Variants in PCDHGA8 observed in about 807,000 individuals in gnomAD.
PCDHGA8 encodes protocadherin gamma subfamily A, 8, also known as protocadherin gamma-A8.
A neutral mutation model predicts 59.2 loss-of-function variants in PCDHGA8; 45 were observed. The ratio of observed to expected loss-of-function variants is 0.76; its 90% CI spans 0.60 to 0.98. The LOEUF is 0.98. PCDHGA8 is among the 50% of genes least tolerant of loss of function. The pLI, the probability that PCDHGA8 is intolerant of heterozygous loss-of-function variation, is 0.00. For missense variants in PCDHGA8, 1,257 were observed against 1,196.2 expected (o/e 1.05, Z -0.75); for synonymous variants, 531 against 519.0 (o/e 1.02, Z -0.32).
intron 1 of PCDHGA8, chr5:141,399,976 CTGCGCACAGGAGAGG>C: frequency 1.2e-6 from 2 of 1,612,242 alleles, no homozygotes; most frequent in Non-Finnish European, 8.5e-7. Context: ...CAGCCTGGGG[CTGCGCACAGGAGAGG>C]TGCGCACAGC....
chr5:141,397,816 A>G (rs1403683863), intron 1 of PCDHGA8, among the ~76,000 whole-genome samples: 2 of 152,230 alleles, frequency 1.3e-5, no homozygotes, highest in African/African-American at 4.8e-5. Context: ...CACAAAAACA[A>G]TTACTGCACT....
intron 2 of PCDHGA8, among the ~76,000 whole-genome samples, chr5:141,504,651 G>A (rs905210723): frequency 8.4e-6 from 1 of 119,750 alleles, no homozygotes; most frequent in Non-Finnish European, 1.6e-5. Flanking sequence ...ATGATAGAGT[G>A]TTTGAGGGCG....
At chr5:141,413,877 G>GAC (rs751994783) in intron 1 of PCDHGA8, 1 of 1,613,386 alleles carries the variant, frequency 6.2e-7, no homozygotes. Flanking sequence ...TTGTCAGTGT[G>GAC]ACTGTCTTCG....
chr5:141,403,207 CACCGCGGGTAGGATAG>C, intron 1 of PCDHGA8: 1 of 1,613,966 alleles, frequency 6.2e-7, no homozygotes, highest in South Asian at 1.1e-5. Context: ...GCACCTTGGT[CACCGCGGGTAGGATAG>C]ACCGGGAGGA....
chr5:141,430,926 C>A (rs145535410), intron 1 of PCDHGA8: 4 of 1,607,308 alleles, frequency 2.5e-6, no homozygotes, highest in African/African-American at 1.3e-5. Context: ...GGGCTGGAGC[C>A]CCGGGAGCTC....
intron 1 of PCDHGA8, chr5:141,405,363 C>G (rs765508317): frequency 5.0e-6 from 8 of 1,613,808 alleles, no homozygotes; most frequent in Non-Finnish European, 6.8e-6. Context: ...ATAGAAGACA[C>G]CCCTTTGGTT....
chr5:141,400,150 C>T (rs1375670164), intron 1 of PCDHGA8: 3 of 1,613,952 alleles, frequency 1.9e-6, no homozygotes, highest in Non-Finnish European at 2.5e-6. Flanking sequence ...CACTGACCGC[C>T]CTGTACCCTC....
rs2154573815 is a variant in PCDHGA8 at position 141,475,798 on chromosome 5, CAAAGG to C, written c.2425-19004_2425-19000del. ...TTGGCTGGAAACTCTGGAAGGAAGC[CAAAGG>C]AAAGTGAAGTTCCTGGCGCTAGCGC... On this transcript the variant is annotated intron_variant, in intron 1 of 3. Coordinates refer to ENST00000398604, the MANE Select transcript of PCDHGA8 (RefSeq NM_032088.2). The C allele has an allele frequency of 9.7e-6, 3 of 309,052 alleles. No homozygotes were observed. The South Asian group carries it at 2.0e-4, about 21-fold the overall frequency. 19.1% of individuals were successfully genotyped at this position (309,052 alleles called of 1,614,324 possible).
Position 141,491,205 on chromosome 5 carries a change from A to G in PCDHGA8, c.2425-3602A>G, listed in dbSNP as rs2233609. 2,395 of 1,613,578 alleles carry G rather than the reference A, an allele frequency of 1.5e-3. 36 individuals are homozygous for G. The African/African-American group carries it at 0.028, about 19-fold the overall frequency. On this transcript the variant is annotated intron_variant, in intron 1 of 3. Coordinates refer to ENST00000398604, the MANE Select transcript of PCDHGA8 (RefSeq NM_032088.2). This position sits in a 1 kb window ranked among gnomAD's most constrained non-coding sequence, Gnocchi z 6.9. The stretch of plus-strand genomic sequence containing the variant: ...TGGTGAGGGACAATGGTGACCCTTC[A>G]CTCTCCTCCACAGCCACAGTGCTGC...
intron 1 of PCDHGA8, chr5:141,399,518 G>C (rs2093824828): frequency 6.2e-7 from 1 of 1,613,994 alleles, no homozygotes. Flanking sequence ...AACCCTCCTG[G>C]GGCCTCCATC....
intron 1 of PCDHGA8, chr5:141,478,602 T>C (rs2099466537): frequency 6.4e-7 from 1 of 1,563,560 alleles, no homozygotes; most frequent in Admixed American, 1.9e-5. Context: ...TCCTACATCA[T>C]ATTGAGGAAG....
At chr5:141,439,432 A>C (rs537630916) in intron 1 of PCDHGA8, among the ~76,000 whole-genome samples, 1 of 152,326 alleles carries the variant, frequency 6.6e-6, no homozygotes, top group African/African-American at 2.4e-5. Flanking sequence ...AATTCCCAGG[A>C]ATATTTTATT....
At chr5:141,414,117 A>T (rs764001135) in intron 1 of PCDHGA8, 2 of 1,592,602 alleles carry the variant, frequency 1.3e-6, no homozygotes, top group Non-Finnish European at 1.7e-6. Flanking sequence ...TAGATTATGA[A>T]GAAACCGGTT....
At chr5:141,444,865 G>A (rs1038923777) in intron 1 of PCDHGA8, among the ~76,000 whole-genome samples, 1 of 152,098 alleles carries the variant, frequency 6.6e-6, no homozygotes, top group Non-Finnish European at 1.5e-5. Flanking sequence ...TCTTACTACA[G>A]GACAAAGCTT....
chr5:141,409,412 C>A, intron 1 of PCDHGA8: 1 of 1,614,032 alleles, frequency 6.2e-7, no homozygotes, highest in Non-Finnish European at 8.5e-7. Flanking sequence ...CTACTACAAA[C>A]TGGTGACAGA....
intron 1 of PCDHGA8, chr5:141,412,235 A>T (rs2095544372): frequency 6.6e-6 from 1 of 152,260 alleles, no homozygotes. Flanking sequence ...AAAAACCTAT[A>T]TCACTACATC....
At chr5:141,409,524 A>AT (rs1357085904) in intron 1 of PCDHGA8, 9 of 1,613,854 alleles carry the variant, frequency 5.6e-6, no homozygotes, top group Non-Finnish European at 6.8e-6. Context: ...ATCACCTTGT[A>AT]TGTCGCTGAC....
chr5:141,434,506 T>C (rs2154556236), intron 1 of PCDHGA8, among the ~76,000 whole-genome samples: 2 of 152,344 alleles, frequency 1.3e-5, no homozygotes, highest in East Asian at 3.9e-4. Context: ...GGCAGAAAAC[T>C]GCTTAAAGGT....
chr5:141,477,630 T>G lies in PCDHGA8; in HGVS notation c.2425-17177T>G. The G allele has an allele frequency of 6.2e-7, 1 of 1,614,228 alleles. No homozygotes were observed. The highest frequency in any genetic ancestry group is 8.5e-7 in the Non-Finnish European group (1 of 1,180,042). ...TTGGAGCAAGGAGCTGAAACCGGGC[T>G]AGTGGGTCGCTATTTCACAATAAAT... On this transcript the variant is annotated intron_variant, in intron 1 of 3. Coordinates refer to ENST00000398604, the MANE Select transcript of PCDHGA8 (RefSeq NM_032088.2). The surrounding 1 kb of genome is among the most constrained non-coding windows in gnomAD (Gnocchi z 4.9).
Sources: allele counts gnomAD v4.1 joint callset (sites outside exome capture counted in the v4.1 genomes callset), GRCh38; gene constraint gnomAD v4.1.1; non-coding constraint Gnocchi (gnomAD v3.1); transcripts MANE v1.5; gene names NCBI Gene and HGNC (gene_info 2026-07-23, HGNC 2026-07-21).